DPH1: variants seen among roughly 807,000 people sequenced by gnomAD.
DPH1 encodes the protein 2-(3-amino-3-carboxypropyl)histidine synthase subunit 1.
A neutral mutation model predicts 55.3 loss-of-function variants in DPH1; 59 were observed. The observed-to-expected ratio is 1.07, with a 90% CI of 0.87 to 1.33. DPH1 has a LOEUF of 1.33. Among genes scored for constraint, DPH1 ranks in the 40% most tolerant of loss-of-function variants. The pLI is 0.00. For synonymous variants in DPH1, 238 were observed against 235.5 expected, an observed-to-expected ratio of 1.01 and a Z score of -0.10; for missense variants, 628 against 584.8, an observed-to-expected ratio of 1.07 and a Z score of -0.76.
chr17:2,039,715 C>T (rs778545903), intron 6 of DPH1, 40 bp from the exon 7 acceptor site: 2 of 1,613,568 alleles, frequency 1.2e-6, no homozygotes, highest in South Asian at 1.1e-5. Flanking sequence ...GCCTCTTCTG[C>T]TGCCCTAAAC....
At position 2,040,556 on chromosome 17, in the gene DPH1, C is replaced by G. The variant is rs1255660855; in HGVS notation, c.958C>G (p.Leu320Val). 5 of 1,614,114 alleles carry G rather than the reference C, an allele frequency of 3.1e-6. No homozygotes were observed. The African/African-American group carries it at 6.7e-5, about 22-fold the overall frequency. The part of the protein sequence containing the change: ...ALGLSFVRLL[L>V]SEIFPSKLSL... ...GGGCCTTTCCTTTGTGAGGCTGCTG[C>G]TCTCTGAGATCTTCCCCAGCAAGCT... is the stretch of plus-strand genomic sequence containing the variant. The change falls in exon 9 of 13, where the codon CTC (leucine) becomes GTC (valine). Residue 320 changes from leucine to valine, a missense_variant. Physicochemically the swap from Leu to Val is conservative, Grantham distance 32. Coordinates refer to ENST00000263083, the MANE Select transcript of DPH1 (RefSeq NM_001383.6).
In DPH1 at chr17:2,036,836, C is replaced by T. The variant is rs2067434437; in HGVS notation, c.560C>T (p.Ala187Val). Residue 187 changes from alanine (A) to valine (V), a missense_variant and splice_region_variant, in exon 6 of 13, where the codon GCA (alanine) becomes GTA (valine). Physicochemically the swap from Ala to Val is moderately conservative, Grantham distance 64. Coordinates refer to ENST00000263083, the MANE Select transcript of DPH1 (RefSeq NM_001383.6). The surrounding 1 kb of genome is among the most constrained non-coding windows in gnomAD (Gnocchi z 4.8). ...STIQFVSTLQ[A>V]AAQELKAEYR... is the part of the protein sequence containing the mutation. Reference sequence around the variant, plus strand: ...TCACTTCCCTCGTCATTCCTACAGGCAGCCGCCCAGGAGCTGAAAGCCGAG... The same window carrying T: ...TCACTTCCCTCGTCATTCCTACAGGTAGCCGCCCAGGAGCTGAAAGCCGAG... 1 of 1,613,304 alleles carries T rather than the reference C, an allele frequency of 6.2e-7. No individual in the cohort carries two copies. Among genetic ancestry groups the T allele is most frequent in the Non-Finnish European group, 8.5e-7 (1 of 1,179,784 alleles).
chr17:2,041,603 C>A lies in DPH1; in HGVS notation c.1209C>A (p.Gly403=). The change falls in exon 11 of 13, where the codon GGC becomes GGA. Residue 403 remains glycine (G), a synonymous_variant. Coordinates refer to ENST00000263083, the MANE Select transcript of DPH1 (RefSeq NM_001383.6). The part of the protein sequence containing the change: ...HGQDRRPHAP[G]RPARGKVQEG... ...AGGACCGCCGTCCCCACGCCCCGGG[C>A]CGGCCCGCGCGGGGGAAGGTAGGCG... 6.2e-7 allele frequency: 1 copy of A among 1,607,026 alleles called. No individual in the cohort carries two copies. Among genetic ancestry groups the A allele is most frequent in the Non-Finnish European group, 8.5e-7 (1 of 1,177,316 alleles).
intron 7 of DPH1, among the ~76,000 whole-genome samples, 172 bp from the exon 8 acceptor site, chr17:2,040,046 C>A (rs889874132): frequency 6.6e-6 from 1 of 152,238 alleles, no homozygotes; most frequent in Non-Finnish European, 1.5e-5. Context: ...CTCTTGTCTG[C>A]TCCAGCTGTG....
rs1466577407 is a variant in DPH1 at position 2,033,686 on chromosome 17, G to A, written c.214+29G>A. 18 of 1,613,554 alleles carry A rather than the reference G, an allele frequency of 1.1e-5. No individual in the cohort carries two copies. In the Middle Eastern group the frequency reaches 4.9e-4, roughly 44 times the overall value. ...AGCCTGTGATCATTGAGCTGGGGTT[G>A]GGGTGGAGAGGTTGCCTGGCCCAGA... On this transcript the variant is annotated intron_variant, in intron 2 of 12. Coordinates refer to ENST00000263083, the MANE Select transcript of DPH1 (RefSeq NM_001383.6).
At position 2,043,412 on chromosome 17, in the gene DPH1, AGTG is replaced by A. The variant is rs1266375804; in HGVS notation, c.*830_*832del. ...CACCATGGTGACTGCCACATAATAA[AGTG>A]GTGATTTGGATTTTGAGCATCTTTT... On this transcript the variant is annotated 3_prime_UTR_variant, in exon 13 of 13. Coordinates refer to ENST00000263083, the MANE Select transcript of DPH1 (RefSeq NM_001383.6). The A allele has an allele frequency of 6.5e-6, 2 of 307,140 alleles. No individual in the cohort carries two copies. Among genetic ancestry groups the A allele is most frequent in the Non-Finnish European group, 1.2e-5 (2 of 165,714 alleles). The allele number at this position is 307,140 out of a possible 1,614,324, so 19.0% of individuals were successfully genotyped here.
In DPH1 at chr17:2,035,117, G is replaced by C. The variant is rs1164127442; in HGVS notation, c.279-853G>C. 3.3e-5 allele frequency: 5 copies of C among 152,222 alleles called. No homozygotes were observed. In the South Asian group the frequency reaches 6.2e-4, roughly 19 times the overall value. 9.4% of individuals were successfully genotyped at this position (152,222 alleles called of 1,614,324 possible). A position where few individuals can be genotyped will look rare whatever the true frequency, so the allele number is the denominator to read the frequency against. The stretch of plus-strand genomic sequence containing the variant: ...CAACTCTTCCACTGCCACACCCCCA[G>C]GGGAAGGATGGGGGGACCCCAGTCA... On this transcript the variant is annotated intron_variant, in intron 3 of 12. Coordinates refer to ENST00000263083, the MANE Select transcript of DPH1 (RefSeq NM_001383.6).
rs1309531049 is a variant in DPH1 at position 2,041,164 on chromosome 17, C to T, written c.1069C>T (p.Leu357=). 2 of 1,605,718 alleles carry T rather than the reference C, an allele frequency of 1.2e-6. No individual in the cohort carries two copies. The highest frequency in any genetic ancestry group is 1.7e-6 in the Non-Finnish European group (2 of 1,176,050). Residue 357 remains leucine (L), a synonymous_variant, in exon 10 of 13, where the codon CTG becomes TTG. Coordinates refer to ENST00000263083, the MANE Select transcript of DPH1 (RefSeq NM_001383.6). ...IDWGTAFPKP[L]LTPYEAAVAL... ...CTGGGGCACAGCCTTCCCCAAGCCG[C>T]TGCTGACACCCTATGAGGTAACACC...
At chr17:2,030,335 C>A in intron 1 of DPH1, 105 bp downstream of exon 1, 1 of 1,325,188 alleles carries the variant, frequency 7.5e-7, no homozygotes, top group Non-Finnish European at 1.0e-6. Context: ...CCTTTCTCCG[C>A]TAGATCCCGC....
At position 2,041,495 on chromosome 17, in the gene DPH1, G is replaced by C. The variant is rs756306803; in HGVS notation, c.1101G>C (p.Leu367=). ...CCCTCCCCTAGGCGGCCGTGGCTCT[G>C]AGGGACATTTCCTGGCAGCAGCCCT... ...LLTPYEAAVA[L]RDISWQQPYP... Residue 367 remains leucine (L), a synonymous_variant, in exon 11 of 13, where the codon CTG becomes CTC. Coordinates refer to ENST00000263083, the MANE Select transcript of DPH1 (RefSeq NM_001383.6). 1.5e-5 allele frequency: 24 copies of C among 1,610,278 alleles called. No homozygotes were observed. The highest frequency in any genetic ancestry group is 2.0e-5 in the Non-Finnish European group (23 of 1,178,506).
chr17:2,036,244 G>A lies in DPH1; in HGVS notation c.400+153G>A, dbSNP rs1445188463. 6 of 1,375,176 alleles carry A rather than the reference G, an allele frequency of 4.4e-6. No homozygotes were observed. In the East Asian group the frequency reaches 1.3e-4, roughly 29 times the overall value. The allele number at this position is 1,375,176 out of a possible 1,614,324, so 85.2% of individuals were successfully genotyped here. On this transcript the variant is annotated intron_variant, in intron 4 of 12. Coordinates refer to ENST00000263083, the MANE Select transcript of DPH1 (RefSeq NM_001383.6). The surrounding 1 kb of genome is among the most constrained non-coding windows in gnomAD (Gnocchi z 4.8). ...TGGCCTCTGCCTTCCCGCTCTGCAG[G>A]TAGATCTTTCCTTTGGATTTGGTTG...
rs1171294621 is a variant in DPH1, at chr17:2,042,470, T to C, written c.*19-135T>C. 1.7e-5 allele frequency: 23 copies of C among 1,340,642 alleles called. No individual in the cohort carries two copies. The South Asian group carries it at 3.0e-4, about 17-fold the overall frequency. The allele number at this position is 1,340,642 out of a possible 1,614,324, so 83.0% of individuals were successfully genotyped here. A position where few individuals can be genotyped will look rare whatever the true frequency, so the allele number is the denominator to read the frequency against. On this transcript the variant is annotated intron_variant, in intron 12 of 12. Coordinates refer to ENST00000263083, the MANE Select transcript of DPH1 (RefSeq NM_001383.6). Reference sequence around the variant, plus strand: ...CAGGCCAATCCACTCATTTCCCCCCTCTCATTTCCCCCAGACTTTTGCCTC... The same window carrying C: ...CAGGCCAATCCACTCATTTCCCCCCCCTCATTTCCCCCAGACTTTTGCCTC...
In DPH1 at chr17:2,039,536, C is replaced by T. The variant is rs1041456086; in HGVS notation, c.681-219C>T. ...GGGACTACAGGCGCCCGTCACCACA[C>T]CCAGCTAAGTTTTTGTATTTTTAGT... On this transcript the variant is annotated intron_variant, in intron 6 of 12. Transcript: ENST00000263083. 7 of 504,908 alleles carry T rather than the reference C, an allele frequency of 1.4e-5. No individual in the cohort carries two copies. In the East Asian group the frequency reaches 1.5e-4, roughly 11 times the overall value. The allele number at this position is 504,908 out of a possible 1,614,324, so 31.3% of individuals were successfully genotyped here.
At chr17:2,042,229 T>G in intron 12 of DPH1, 1 of 1,422,912 alleles carries the variant, frequency 7.0e-7, no homozygotes, top group South Asian at 1.5e-5. Flanking sequence ...AGATCAGACT[T>G]CGGTGAGACA....
Position 2,041,595 on chromosome 17 carries a change from G to A in DPH1, c.1201G>A (p.Ala401Thr), listed in dbSNP as rs763496424. The A allele has an allele frequency of 6.2e-6, 10 of 1,608,142 alleles. No individual in the cohort carries two copies. Among genetic ancestry groups the A allele is most frequent in the South Asian group, 4.4e-5 (4 of 90,796 alleles). ...CCACGGCCAGGACCGCCGTCCCCAC[G>A]CCCCGGGCCGGCCCGCGCGGGGGAA... is the stretch of plus-strand genomic sequence containing the variant. ...VNHGQDRRPH[A>T]PGRPARGKVQ... Residue 401 changes from alanine to threonine, a missense_variant, in exon 11 of 13, where the codon GCC (alanine) becomes ACC (threonine). By Grantham distance (58) the Ala-to-Thr change is moderately conservative (BLOSUM62 0). Coordinates refer to ENST00000263083, the MANE Select transcript of DPH1 (RefSeq NM_001383.6).
chr17:2,036,303 G>A lies in DPH1; in HGVS notation c.400+212G>A. ...ACGGTGCTCTGTCCCAGATGCAGGT[G>A]TTTGAAAGGCTGTTGGTTGTAGAGC... On this transcript the variant is annotated intron_variant, in intron 4 of 12. Transcript: ENST00000263083. The surrounding 1 kb of genome is among the most constrained non-coding windows in gnomAD (Gnocchi z 4.8). 2 of 1,092,038 alleles carry A rather than the reference G, an allele frequency of 1.8e-6. No individual in the cohort carries two copies. Among genetic ancestry groups the A allele is most frequent in the Non-Finnish European group, 2.5e-6 (2 of 785,302 alleles). The allele number at this position is 1,092,038 out of a possible 1,614,324, so 67.6% of individuals were successfully genotyped here.
chr17:2,033,432 A>G (rs1213228210), intron 1 of DPH1, 73 bp from the exon 2 acceptor site: 1 of 1,607,344 alleles, frequency 6.2e-7, no homozygotes, highest in East Asian at 2.2e-5. Flanking sequence ...GGCCCTGAAA[A>G]GGGATCCCTA....
In DPH1 at chr17:2,043,139, T is replaced by C. The variant is rs199808320; in HGVS notation, c.*553T>C. The C allele has an allele frequency of 5.6e-6, 9 of 1,597,026 alleles. No homozygotes were observed. Among genetic ancestry groups the C allele is most frequent in the Non-Finnish European group, 6.0e-6 (7 of 1,172,136 alleles). On this transcript the variant is annotated 3_prime_UTR_variant, in exon 13 of 13. Coordinates refer to ENST00000263083, the MANE Select transcript of DPH1 (RefSeq NM_001383.6). ...AAATGTCTCTGCTCCTACATCCAGC[T>C]CCTCTAGGGGCAGCCTCCGTCATCC...
chr17:2,041,313 G>C, intron 10 of DPH1, 132 bp downstream of exon 10: 1 of 1,454,456 alleles, frequency 6.9e-7, no homozygotes, highest in Non-Finnish European at 9.4e-7. Context: ...TTTCTCCAGC[G>C]GAGTCACTTC....
Sources: gnomAD v4.1 joint callset for allele counts (sites outside exome capture counted in the v4.1 genomes callset) on GRCh38, gnomAD v4.1.1 for gene constraint, Gnocchi (gnomAD v3.1) non-coding constraint, MANE v1.5 for transcripts, NCBI Gene and HGNC (gene_info 2026-07-23, HGNC 2026-07-21) for gene names.